Variants in PRAMEF2 observed in about 807,000 individuals in gnomAD.
PRAMEF2 encodes the protein PRAME family member 2.
Under a neutral mutation model 38.0 loss-of-function variants are expected in PRAMEF2, and 35 were observed. The observed-to-expected ratio is 0.92, with a 90% confidence interval of 0.70 to 1.22. The LOEUF (loss-of-function observed/expected upper bound fraction) is 1.22. PRAMEF2 is among the 50% of genes most tolerant of loss of function. The pLI is 0.00. For synonymous variants in PRAMEF2, 240 were observed against 232.4 expected (o/e 1.03, Z -0.30); for missense variants, 562 against 553.9 (o/e 1.01, Z -0.15).
At position 12,861,394 on chromosome 1, in the gene PRAMEF2, T is replaced by C. The variant is rs371567836; in HGVS notation, c.1040T>C (p.Ile347Thr). Reference sequence around the variant, plus strand: ...CCCCTAGGAGCTCTGCTAGAGAAAATTGCTGCCTCTCTCGAGACCCTCGTG... The same window carrying C: ...CCCCTAGGAGCTCTGCTAGAGAAAACTGCTGCCTCTCTCGAGACCCTCGTG... ...LEPLGALLEKIAASLETLVLE... is the reference protein window; with the variant it reads ...LEPLGALLEKTAASLETLVLE... Residue 347 changes from isoleucine (I) to threonine (T), a missense_variant, in exon 4 of 4, where the codon ATT becomes ACT. This residue lies in a region of PRAMEF2 where 486 missense variants were observed against 444.2 expected (regional missense o/e 1.09). Coordinates refer to ENST00000240189, the MANE Select transcript of PRAMEF2 (RefSeq NM_023014.1). The C allele has an allele frequency of 1.1e-5, 18 of 1,603,404 alleles. No homozygotes were observed. The highest frequency in any genetic ancestry group is 1.5e-5 in the Non-Finnish European group (18 of 1,174,646).
chr1:12,860,311 C>T lies in PRAMEF2; in HGVS notation c.866+40C>T, dbSNP rs761644470. 6.2e-6 allele frequency: 10 copies of T among 1,601,930 alleles called. 1 individual carries two copies. Among genetic ancestry groups the T allele is most frequent in the Non-Finnish European group, 7.7e-6 (9 of 1,174,100 alleles). On this transcript the variant is annotated intron_variant, in intron 3 of 3. Transcript: ENST00000240189. The stretch of plus-strand genomic sequence containing the variant: ...TGCACTTTGTATGCAGACCACAGCA[C>T]AGACTTGTTCTGTTACAGCAAACAT...
Position 12,861,061 on chromosome 1 carries a change from G to A in PRAMEF2, c.867-160G>A, listed in dbSNP as rs565460596. Among the ~76,000 whole-genome samples, 76 of 150,254 alleles carry A rather than the reference G, an allele frequency of 5.1e-4. 2 individuals are homozygous for A. Among genetic ancestry groups the A allele is most frequent in the Non-Finnish European group, 1.0e-4 (7 of 67,686 alleles). Reference sequence around the variant, plus strand: ...GGCTAAAATGGGACAGCCCCTGAACGATCAGGGTCCTCATCATGCAGCAAC... The same window carrying A: ...GGCTAAAATGGGACAGCCCCTGAACAATCAGGGTCCTCATCATGCAGCAAC... On this transcript the variant is annotated intron_variant, in intron 3 of 3. Transcript: ENST00000240189.
At position 12,860,634 on chromosome 1, in the gene PRAMEF2, G is replaced by C. The variant is rs199604441; in HGVS notation, c.866+363G>C. ...AGGAGGGTATGAAAGGAGGGAAAGC[G>C]CATCAAACCTGTCCATTTCACAATA... is the stretch of plus-strand genomic sequence containing the variant. On this transcript the variant is annotated intron_variant, in intron 3 of 3. Coordinates refer to ENST00000240189, the MANE Select transcript of PRAMEF2 (RefSeq NM_023014.1). Among the ~76,000 whole-genome samples, 1,027 of 150,096 alleles carry C rather than the reference G, an allele frequency of 6.8e-3. 44 individuals carry two copies. Among genetic ancestry groups the C allele is most frequent in the Non-Finnish European group, 9.3e-3 (629 of 67,542 alleles).
Position 12,859,266 on chromosome 1 carries a change from A to G in PRAMEF2, c.257A>G (p.His86Arg), listed in dbSNP as rs142653021. 3,934 of 1,610,334 alleles carry G rather than the reference A, an allele frequency of 2.4e-3. 111 individuals carry two copies. Among genetic ancestry groups the G allele is most frequent in the Non-Finnish European group, 3.2e-3 (3,763 of 1,178,738 alleles). The change falls in exon 2 of 4, where the codon CAT becomes CGT. Residue 86 changes from histidine (H) to arginine (R), a missense_variant. By Grantham distance (29) the His-to-Arg change is conservative (BLOSUM62 0). Transcript: ENST00000240189. ...TTGAAAGCATTGCTGGAAGGGCTTC[A>G]TATGCTGCTTACACAGAAGGATCGC... ...EPLKALLEGL[H>R]MLLTQKDRPR... is the part of the protein sequence containing the mutation.
chr1:12,858,977 T>C lies in PRAMEF2; in HGVS notation c.-25-8T>C, dbSNP rs1640491748. 2 of 1,593,494 alleles carry C rather than the reference T, an allele frequency of 1.3e-6. No individual in the cohort carries two copies. The highest frequency in any genetic ancestry group is 8.5e-7 in the Non-Finnish European group (1 of 1,171,904). ...GAGTGATACATTCTCCCTGGATTTG[T>C]CTTCTAGAGATTTTTCTTGCAGATC... is the stretch of plus-strand genomic sequence containing the variant. On this transcript the variant is annotated splice_polypyrimidine_tract_variant and splice_region_variant and intron_variant, in intron 1 of 3. Coordinates refer to ENST00000240189, the MANE Select transcript of PRAMEF2 (RefSeq NM_023014.1).
Position 12,859,181 on chromosome 1 carries a change from G to A in PRAMEF2, c.172G>A (p.Ala58Thr), listed in dbSNP as rs1271300920. The A allele has an allele frequency of 1.9e-6, 3 of 1,609,044 alleles. No individual in the cohort carries two copies. Among genetic ancestry groups the A allele is most frequent in the Admixed American group, 1.7e-5 (1 of 58,328 alleles). Residue 58 changes from alanine (A) to threonine (T), a missense_variant, in exon 2 of 4, where the codon GCC becomes ACC. Ala to Thr is a moderately conservative substitution (Grantham distance 58). Around this residue, in one of 2 missense-constraint regions of PRAMEF2, gnomAD observed 486 missense variants for 444.2 expected, o/e 1.09. Transcript: ENST00000240189. The stretch of plus-strand genomic sequence containing the variant: ...CCAGACTCTGACGGTGATGGTGCAG[G>A]CCTGGCCTTTCACCTGCCTCCCTCT... ...HFQTLTVMVQ[A>T]WPFTCLPLVS...
At chr1:12,860,546 G>A (rs1205042441) in intron 3 of PRAMEF2, among the ~76,000 whole-genome samples, 2 of 149,854 alleles carry the variant, frequency 1.3e-5, no homozygotes, top group African/African-American at 4.9e-5. Context: ...TATTGGGGGT[G>A]CACGTGTGAA....
In PRAMEF2 at chr1:12,861,684, T is replaced by G. The variant is rs1063798; in HGVS notation, c.1330T>G (p.Phe444Val). The G allele has an allele frequency of 0.14, 198,323 of 1,414,174 alleles. 49,632 individuals carry two copies. The highest frequency in any genetic ancestry group is 0.3 in the African/African-American group (19,475 of 64,232). The allele number at this position is 1,414,174 out of a possible 1,614,324, so 87.6% of individuals were successfully genotyped here. The change falls in exon 4 of 4, where the codon TTC becomes GTC. Residue 444 changes from phenylalanine to valine, a missense_variant. Transcript: ENST00000240189. ...RAELMCTLRE[F>V]RQPKRIFIGP... ...TGAGCTGATGTGTACACTGAGGGAA[T>G]TCAGGCAGCCCAAGAGGATCTTCAT...
At position 12,859,210 on chromosome 1, in the gene PRAMEF2, A is replaced by G; in HGVS notation, c.201A>G (p.Val67=). 6.2e-7 allele frequency: 1 copy of G among 1,609,984 alleles called. No homozygotes were observed. The highest frequency in any genetic ancestry group is 8.5e-7 in the Non-Finnish European group (1 of 1,178,508). The change falls in exon 2 of 4, where the codon GTA becomes GTG. Residue 67 remains valine (V), a synonymous_variant. Transcript: ENST00000240189. ...GGCCTTTCACCTGCCTCCCTCTGGT[A>G]TCGCTGATGAAGACGCTTCATCTGG... ...QAWPFTCLPL[V]SLMKTLHLEP...
Position 12,861,639 on chromosome 1 carries a change from A to T in PRAMEF2, c.1285A>T (p.Ile429Phe), listed in dbSNP as rs1163788408. The T allele has an allele frequency of 6.2e-7, 1 of 1,600,836 alleles. No homozygotes were observed. The highest frequency in any genetic ancestry group is 1.4e-5 in the African/African-American group (1 of 73,114). ...LNSLVRVNWE[I>F]FTPLRAELMC... ...TTCCTTGGTTCGTGTCAATTGGGAG[A>T]TCTTCACCCCACTTCGGGCTGAGCT... is the stretch of plus-strand genomic sequence containing the variant. The change falls in exon 4 of 4, where the codon ATC (isoleucine) becomes TTC (phenylalanine). Residue 429 changes from isoleucine to phenylalanine, a missense_variant. Transcript: ENST00000240189.
rs368754969 is a variant in PRAMEF2 at position 12,859,049 on chromosome 1, G to A, written c.40G>A (p.Gly14Arg). Reference sequence around the variant, plus strand: ...CCCACCGAGACTACTGGAGCTGGCGGGGCAGAGCCTGCTGAGAGACCAGGC... The same window carrying A: ...CCCACCGAGACTACTGGAGCTGGCGAGGCAGAGCCTGCTGAGAGACCAGGC... ...QAPPRLLELA[G>R]QSLLRDQALS... The change falls in exon 2 of 4, where the codon GGG (glycine) becomes AGG (arginine). Residue 14 changes from glycine (G) to arginine (R), a missense_variant. By Grantham distance (125) the Gly-to-Arg change is moderately radical (BLOSUM62 -2). Around this residue, in one of 2 missense-constraint regions of PRAMEF2, gnomAD observed 486 missense variants for 444.2 expected, o/e 1.09. Coordinates refer to ENST00000240189, the MANE Select transcript of PRAMEF2 (RefSeq NM_023014.1). 5 of 1,604,082 alleles carry A rather than the reference G, an allele frequency of 3.1e-6. No homozygotes were observed. In the African/African-American group the frequency reaches 5.4e-5, roughly 17 times the overall value.
At chr1:12,858,637 C>T (rs1185021521) in intron 1 of PRAMEF2, among the ~76,000 whole-genome samples, 1 of 149,994 alleles carries the variant, frequency 6.7e-6, no homozygotes, top group Non-Finnish European at 1.5e-5. Flanking sequence ...CTCTCATTCT[C>T]AATGCTTTAG....
At position 12,859,126 on chromosome 1, in the gene PRAMEF2, C is replaced by G; in HGVS notation, c.117C>G (p.Leu39=). 1.2e-6 allele frequency: 2 copies of G among 1,606,890 alleles called. No homozygotes were observed. Among genetic ancestry groups the G allele is most frequent in the Non-Finnish European group, 1.7e-6 (2 of 1,176,776 alleles). ...EELPRVLYLP[L]FREAFSRRHF... The stretch of plus-strand genomic sequence containing the variant: ...TGCCCAGGGTGCTCTATCTCCCACT[C>G]TTCAGGGAGGCCTTCAGCAGGAGAC... Residue 39 remains leucine (L), a synonymous_variant, in exon 2 of 4, where the codon CTC becomes CTG. Transcript: ENST00000240189.
At chr1:12,859,627 G>A in intron 2 of PRAMEF2, 66 bp from the exon 3 acceptor site, 2 of 1,596,296 alleles carry the variant, frequency 1.3e-6, no homozygotes, top group South Asian at 2.2e-5. Flanking sequence ...TATGGGATGA[G>A]AATGAAAGCA....
chr1:12,858,549 T>C (rs1321950943), intron 1 of PRAMEF2, among the ~76,000 whole-genome samples: 1 of 150,030 alleles, frequency 6.7e-6, no homozygotes, highest in Non-Finnish European at 1.5e-5. Flanking sequence ...GGCATCGATT[T>C]TAGGGAGTCC....
At chr1:12,859,319 G>T (rs201590236) in intron 2 of PRAMEF2, 23 bp downstream of exon 2, 2 of 1,598,026 alleles carry the variant, frequency 1.3e-6, no homozygotes, top group South Asian at 2.2e-5. Flanking sequence ...AGGAGGGCTA[G>T]TAGATAGGGC....
chr1:12,858,790 C>T (rs1640488610), intron 1 of PRAMEF2, among the ~76,000 whole-genome samples, 195 bp from the exon 2 acceptor site: 1 of 149,368 alleles, frequency 6.7e-6, no homozygotes, highest in Non-Finnish European at 1.5e-5. Flanking sequence ...CCCCTCCCTC[C>T]TTGGTGTTTG....
chr1:12,861,164 C>A (rs1173957277), intron 3 of PRAMEF2, 57 bp from the exon 4 acceptor site: 3 of 1,555,188 alleles, frequency 1.9e-6, no homozygotes, highest in Non-Finnish European at 2.6e-6. Context: ...AGGTTATTCC[C>A]CACTACCTTC....
At chr1:12,858,212 A>C (rs1395063404) in intron 1 of PRAMEF2, among the ~76,000 whole-genome samples, 2 of 150,054 alleles carry the variant, frequency 1.3e-5, no homozygotes, top group Non-Finnish European at 3.0e-5. Context: ...CTAGGATTAC[A>C]GTCATGCATG....
Sources: gnomAD v4.1 joint callset for allele counts (sites outside exome capture counted in the v4.1 genomes callset) on GRCh38, gnomAD v4.1.1 for gene constraint, gnomAD v4.1.1 regional missense constraint, MANE v1.5 for transcripts, NCBI Gene and HGNC (gene_info 2026-07-23, HGNC 2026-07-21) for gene names.